PNN: variants seen among roughly 807,000 people sequenced by gnomAD.
The protein encoded by PNN is pinin.
Under a neutral mutation model 76.6 loss-of-function variants are expected in PNN, and 38 were observed. The observed-to-expected ratio is 0.50, with a 90% CI of 0.38 to 0.65. PNN has a LOEUF of 0.65. Ranked by LOEUF, PNN falls within the 30% of genes least tolerant of loss-of-function variation. The probability of loss-of-function intolerance (pLI) is 0.00; values close to 1 mark genes in which losing one functional copy is unlikely to be tolerated. For synonymous variants in PNN, 366 were observed against 283.7 expected (o/e 1.29, Z -2.91); for missense variants, 873 against 874.1 (o/e 1.00, Z 0.02).
chr14:39,175,793 C>T, intron 1 of PNN: 1 of 481,304 alleles, frequency 2.1e-6, no homozygotes, highest in South Asian at 2.4e-5. Flanking sequence ...GCTTCCTGTC[C>T]ACGTGCAGCC....
Position 39,180,654 on chromosome 14 carries a change from A to T in PNN, c.945A>T (p.Arg315=). The T allele has an allele frequency of 6.2e-7, 1 of 1,613,080 alleles. No individual in the cohort carries two copies. The highest frequency in any genetic ancestry group is 8.5e-7 in the Non-Finnish European group (1 of 1,179,468). The part of the protein sequence containing the change: ...AEQEEGKVAQ[R]EEELEETGNQ... ...AAGAAGAGGGTAAGGTGGCTCAGCGAGAGGAAGAGTTGGAGGAGACAGGTA... is the reference window on the plus strand; with the variant it reads ...AAGAAGAGGGTAAGGTGGCTCAGCGTGAGGAAGAGTTGGAGGAGACAGGTA... Residue 315 remains arginine, a synonymous_variant, in exon 9 of 9, where the codon CGA becomes CGT. Coordinates refer to ENST00000216832, the MANE Select transcript of PNN (RefSeq NM_002687.4).
In PNN at chr14:39,175,309, A is replaced by T. The variant is rs769267200; in HGVS notation, c.30A>T (p.Glu10Asp). 1 of 1,602,366 alleles carries T rather than the reference A, an allele frequency of 6.2e-7. No homozygotes were observed. Among genetic ancestry groups the T allele is most frequent in the African/African-American group, 1.3e-5 (1 of 74,618 alleles). Reference protein sequence around the residue: MAVAVRTLQEQLEKAKESLK... With the variant: MAVAVRTLQDQLEKAKESLK... Reference sequence around the variant, plus strand: ...CGGTCGCCGTGAGAACTTTGCAGGAACAGCTGGAAAAGGCCAAAGAGAGTC... The same window carrying T: ...CGGTCGCCGTGAGAACTTTGCAGGATCAGCTGGAAAAGGCCAAAGAGAGTC... The change falls in exon 1 of 9, where the codon GAA (glutamate) becomes GAT (aspartate). Residue 10 changes from glutamate to aspartate, a missense_variant. By Grantham distance (45) the Glu-to-Asp change is conservative. Around this residue, in one of 3 missense-constraint regions of PNN, gnomAD observed 156 missense variants for 161.7 expected, o/e 0.96. Transcript: ENST00000216832.
chr14:39,177,945 T>C, intron 6 of PNN, 29 bp downstream of exon 6: 2 of 1,331,898 alleles, frequency 1.5e-6, no homozygotes, highest in Non-Finnish European at 2.1e-6. Flanking sequence ...TTTTGCATCA[T>C]ATATTTAAGT....
chr14:39,179,568 CTGTGTTTGCT>C, intron 8 of PNN, 106 bp downstream of exon 8: 1 of 1,003,348 alleles, frequency 1.0e-6, no homozygotes, highest in Non-Finnish European at 1.4e-6. Context: ...GATTGGTTTG[CTGTGTTTGCT>C]TTTTTTTTTT....
chr14:39,178,844 T>A (rs1033588600), intron 6 of PNN, among the ~76,000 whole-genome samples: 43 of 152,152 alleles, frequency 2.8e-4, no homozygotes, highest in Non-Finnish European at 7.3e-5. Flanking sequence ...TTCAAGTGAT[T>A]TCTCCTGCTT....
intron 3 of PNN, among the ~76,000 whole-genome samples, 168 bp downstream of exon 3, chr14:39,176,763 G>T (rs770668288): frequency 6.6e-6 from 1 of 152,076 alleles, no homozygotes; most frequent in Non-Finnish European, 1.5e-5. Context: ...TTGACTATCA[G>T]TTCCCTCAAA....
chr14:39,177,712 C>G, intron 5 of PNN, 25 bp downstream of exon 5: 2 of 1,555,154 alleles, frequency 1.3e-6, no homozygotes, highest in Non-Finnish European at 1.8e-6. Context: ...GAAAAAAACT[C>G]TAGTGAAATA....
chr14:39,178,757 G>A (rs1191116888), intron 6 of PNN, among the ~76,000 whole-genome samples: 3 of 149,302 alleles, frequency 2.0e-5, no homozygotes, highest in Non-Finnish European at 3.0e-5. Flanking sequence ...TTTTTTTTGA[G>A]ATGGAGTTTG....
Position 39,182,033 on chromosome 14 carries a change from A to C in PNN, c.*170A>C, listed in dbSNP as rs1363947261. 7.0e-6 allele frequency: 4 copies of C among 574,538 alleles called. No individual in the cohort carries two copies. Among genetic ancestry groups the C allele is most frequent in the Non-Finnish European group, 1.1e-5 (4 of 354,354 alleles). 35.6% of individuals were successfully genotyped at this position (574,538 alleles called of 1,614,324 possible). On this transcript the variant is annotated 3_prime_UTR_variant, in exon 9 of 9. Coordinates refer to ENST00000216832, the MANE Select transcript of PNN (RefSeq NM_002687.4). ...CCAGACATTCTTGTACTTTTTGCAT[A>C]ATTTTGTAAGAGTTATTTATCAAAA...
At position 39,181,039 on chromosome 14, in the gene PNN, C is replaced by A. The variant is rs753643953; in HGVS notation, c.1330C>A (p.Pro444Thr). 1.2e-6 allele frequency: 2 copies of A among 1,612,592 alleles called. No individual in the cohort carries two copies. Among genetic ancestry groups the A allele is most frequent in the South Asian group, 1.1e-5 (1 of 90,932 alleles). ...AGATAAAGAATGTAAAACCCTTTCT[C>A]CTGGGAAAGAGAATGTCAGTGCTTT... ...EPDKECKTLS[P>T]GKENVSALDM... The change falls in exon 9 of 9, where the codon CCT becomes ACT. Residue 444 changes from proline (P) to threonine (T), a missense_variant. Pro to Thr is a conservative substitution (Grantham distance 38, BLOSUM62 -1). Around this residue, in one of 3 missense-constraint regions of PNN, gnomAD observed 712 missense variants for 693.1 expected, o/e 1.03. Transcript: ENST00000216832.
chr14:39,178,247 G>A (rs1289949602), intron 6 of PNN, among the ~76,000 whole-genome samples: 6 of 152,184 alleles, frequency 3.9e-5, no homozygotes, highest in Admixed American at 3.9e-4. Context: ...AATGTGAAGC[G>A]GCCAGGTGCA....
intron 1 of PNN, 116 bp from the exon 2 acceptor site, chr14:39,175,962 T>G: frequency 3.1e-6 from 2 of 645,486 alleles, no homozygotes; most frequent in Non-Finnish European, 5.6e-6. Context: ...TATTTGAAAC[T>G]ATCTTTTTGG....
At position 39,177,434 on chromosome 14, in the gene PNN, A is replaced by G; in HGVS notation, c.277A>G (p.Arg93Gly). Residue 93 changes from arginine (R) to glycine (G), a missense_variant, in exon 4 of 9, where the codon AGA (arginine) becomes GGA (glycine). By Grantham distance (125) the Arg-to-Gly change is moderately radical. Transcript: ENST00000216832. Reference protein sequence around the residue: ...VSRLGGERRTRRESRQESDPE... With the variant: ...VSRLGGERRTGRESRQESDPE... ...CAGGCTGGGCGGGGAGCGTCGGACC[A>G]GAAGAGAATCACGCCAGGAAAGCGA... is the stretch of plus-strand genomic sequence containing the variant. 6.2e-7 allele frequency: 1 copy of G among 1,614,136 alleles called. No homozygotes were observed. Among genetic ancestry groups the G allele is most frequent in the Non-Finnish European group, 8.5e-7 (1 of 1,179,980 alleles).
At position 39,182,265 on chromosome 14, in the gene PNN, C is replaced by T. The variant is rs2053275794; in HGVS notation, c.*402C>T. 6.3e-6 allele frequency: 1 copy of T among 158,004 alleles called. No individual in the cohort carries two copies. Among genetic ancestry groups the T allele is most frequent in the Non-Finnish European group, 1.4e-5 (1 of 71,392 alleles). The allele number at this position is 158,004 out of a possible 1,614,324, so 9.8% of individuals were successfully genotyped here. On this transcript the variant is annotated 3_prime_UTR_variant, in exon 9 of 9. Coordinates refer to ENST00000216832, the MANE Select transcript of PNN (RefSeq NM_002687.4). Reference sequence around the variant, plus strand: ...TTTATTTCATTATTTTTGGGATGTCCTCGTTGACACTTGTATAATAAATAT... The same window carrying T: ...TTTATTTCATTATTTTTGGGATGTCTTCGTTGACACTTGTATAATAAATAT...
Position 39,182,256 on chromosome 14 carries a change from T to G in PNN, c.*393T>G, listed in dbSNP as rs1017181167. 3.1e-5 allele frequency: 5 copies of G among 158,954 alleles called. No homozygotes were observed. Among genetic ancestry groups the G allele is most frequent in the Non-Finnish European group, 7.0e-5 (5 of 71,834 alleles). The allele number at this position is 158,954 out of a possible 1,614,324, so 9.8% of individuals were successfully genotyped here. ...AAATGTGTGTTTATTTCATTATTTT[T>G]GGGATGTCCTCGTTGACACTTGTAT... On this transcript the variant is annotated 3_prime_UTR_variant, in exon 9 of 9. Coordinates refer to ENST00000216832, the MANE Select transcript of PNN (RefSeq NM_002687.4).
intron 3 of PNN, 128 bp downstream of exon 3, chr14:39,176,723 C>A (rs555684582): frequency 1.0e-4 from 69 of 657,934 alleles, no homozygotes; most frequent in Non-Finnish European, 1.4e-4. Context: ...CCCTGCCCCC[C>A]CCAAGTTCTG....
In PNN at chr14:39,180,867, TATG is replaced by T; in HGVS notation, c.1159_1161del (p.Met387del). On this transcript the variant is annotated inframe_deletion, in exon 9 of 9. Coordinates refer to ENST00000216832, the MANE Select transcript of PNN (RefSeq NM_002687.4). ...AGCAGGATAGTCAGCCTGAAGAAGT[TATG>T]GATGTGCTAGAGATGGTTGAGAATG... 1 of 1,614,112 alleles carries T rather than the reference TATG, an allele frequency of 6.2e-7. No individual in the cohort carries two copies. The highest frequency in any genetic ancestry group is 8.5e-7 in the Non-Finnish European group (1 of 1,180,008).
At chr14:39,178,295 G>A (rs2053244134) in intron 6 of PNN, among the ~76,000 whole-genome samples, 1 of 152,214 alleles carries the variant, frequency 6.6e-6, no homozygotes, top group Non-Finnish European at 1.5e-5. Flanking sequence ...TTGGGAGGCT[G>A]AGGCAGGTGG....
In PNN at chr14:39,176,136, A is replaced by G; in HGVS notation, c.172A>G (p.Ser58Gly). The change falls in exon 2 of 9, where the codon AGT becomes GGT. Residue 58 changes from serine (S) to glycine (G), a missense_variant. By Grantham distance (56) the Ser-to-Gly change is moderately conservative. Transcript: ENST00000216832. Reference protein sequence around the residue: ...SGPGGGRGRGSLLLRRGFSDS... With the variant: ...SGPGGGRGRGGLLLRRGFSDS... ...TCCTGGTGGAGGTAGAGGACGTGGT[A>G]GTTTATTACTGAGGTAAGATTTCCT... 3 of 1,593,342 alleles carry G rather than the reference A, an allele frequency of 1.9e-6. No homozygotes were observed. The highest frequency in any genetic ancestry group is 4.5e-5 in the East Asian group (2 of 44,772).
Sources: allele counts gnomAD v4.1 joint callset (sites outside exome capture counted in the v4.1 genomes callset), GRCh38; gene constraint gnomAD v4.1.1; regional missense constraint gnomAD v4.1.1; transcripts MANE v1.5; gene names NCBI Gene and HGNC (gene_info 2026-07-23, HGNC 2026-07-21).